PPARGC1A: variants seen among roughly 807,000 people sequenced by gnomAD.
PPARGC1A encodes peroxisome proliferator-activated receptor gamma coactivator 1-alpha.
In PPARGC1A, 25 loss-of-function variants were observed where a neutral mutation model predicts 88.7. That is an observed-to-expected ratio of 0.28 (90% confidence interval 0.21 to 0.39). The LOEUF is 0.39. Ranked by LOEUF, PPARGC1A falls within the 10% of genes least tolerant of loss-of-function variation. PPARGC1A has a pLI of 1.00. For synonymous variants in PPARGC1A, 363 were observed against 355.6 expected, an observed-to-expected ratio of 1.02 and a Z score of -0.24; for missense variants, 880 against 968.7, an observed-to-expected ratio of 0.91 and a Z score of 1.22.
At chr4:23,977,737 C>A in the PPARGC1A span, among the ~76,000 whole-genome samples, 4 of 152,170 alleles carry the variant, frequency 2.6e-5, no homozygotes, top group African/African-American at 4.8e-5. Flanking sequence ...AAGAGAAATA[C>A]AAATATGACA....
At chr4:23,988,876 T>A in the PPARGC1A span, among the ~76,000 whole-genome samples, 1 of 147,376 alleles carries the variant, frequency 6.8e-6, no homozygotes, top group African/African-American at 2.5e-5. Context: ...TTTATACATA[T>A]AATAGTATAA....
At chr4:24,101,556 C>T in the PPARGC1A span, among the ~76,000 whole-genome samples, 115 of 152,216 alleles carry the variant, frequency 7.6e-4, no homozygotes, top group East Asian at 0.02. Flanking sequence ...ACACATTGTA[C>T]GCATGTAACA....
the PPARGC1A span, among the ~76,000 whole-genome samples, chr4:23,928,687 G>A: frequency 2.0e-5 from 3 of 148,714 alleles, no homozygotes; most frequent in South Asian, 4.3e-4. Context: ...TAGCAAACAC[G>A]TGGCATGAAC....
chr4:24,040,345 C>T, the PPARGC1A span, among the ~76,000 whole-genome samples: 6 of 152,332 alleles, frequency 3.9e-5, no homozygotes, highest in South Asian at 8.3e-4. Flanking sequence ...CATTCTGTCT[C>T]TTGACAAAGG....
the PPARGC1A span, among the ~76,000 whole-genome samples, chr4:24,318,953 T>TCATTATCTCCC: frequency 2.0e-5 from 3 of 152,138 alleles, no homozygotes; most frequent in African/African-American, 4.8e-5. Context: ...ATTTCTGTAG[T>TCATTATCTCCC]TGGAGGATAA....
chr4:24,307,357 CT>C, the PPARGC1A span, among the ~76,000 whole-genome samples: 26 of 152,206 alleles, frequency 1.7e-4, no homozygotes, highest in Non-Finnish European at 2.6e-4. Context: ...AAAATCTACA[CT>C]GTAATATATA....
intron 1 of PPARGC1A, among the ~76,000 whole-genome samples, chr4:23,888,738 C>T (rs1245933228): frequency 6.6e-6 from 1 of 152,202 alleles, no homozygotes; most frequent in Non-Finnish European, 1.5e-5. Context: ...CATTCACAGA[C>T]GGCCTTGGCC....
the PPARGC1A span, among the ~76,000 whole-genome samples, chr4:24,455,739 C>T: frequency 2.0e-5 from 3 of 152,220 alleles, no homozygotes; most frequent in African/African-American, 7.2e-5. Flanking sequence ...AGCTCACCTC[C>T]TCTTGCCCTC....
intron 10 of PPARGC1A, among the ~76,000 whole-genome samples, chr4:23,812,436 C>T (rs1050071895): frequency 6.6e-6 from 1 of 152,026 alleles, no homozygotes; most frequent in Non-Finnish European, 1.5e-5. Context: ...ATCCTGTGAT[C>T]AGAAAGAACA....
chr4:23,870,420 T>G (rs1420176204), intron 2 of PPARGC1A, among the ~76,000 whole-genome samples: 1 of 152,222 alleles, frequency 6.6e-6, no homozygotes, highest in Non-Finnish European at 1.5e-5. Context: ...CCCCAGACTG[T>G]CATATTTTCA....
chr4:24,339,091 C>T, the PPARGC1A span, among the ~76,000 whole-genome samples: 1 of 151,818 alleles, frequency 6.6e-6, no homozygotes, highest in African/African-American at 2.4e-5. Flanking sequence ...TATTTTCTGT[C>T]CGCATGAATT....
chr4:24,038,632 C>G, the PPARGC1A span, among the ~76,000 whole-genome samples: 1 of 152,130 alleles, frequency 6.6e-6, no homozygotes, highest in African/African-American at 2.4e-5. Flanking sequence ...GATATTTTCT[C>G]CGGGATCCTC....
intron 2 of PPARGC1A, among the ~76,000 whole-genome samples, chr4:23,864,987 C>A (rs1286951350): frequency 6.6e-6 from 1 of 152,140 alleles, no homozygotes; most frequent in East Asian, 1.9e-4. Context: ...AGTTTGAGAC[C>A]AGCCTGGGCA....
chr4:24,154,466 A>G, the PPARGC1A span, among the ~76,000 whole-genome samples: 45 of 152,240 alleles, frequency 3.0e-4, no homozygotes, highest in South Asian at 1.0e-3. Flanking sequence ...TGTTGAGAAA[A>G]CATAGGAAAA....
chr4:24,190,655 T>C, the PPARGC1A span, among the ~76,000 whole-genome samples: 2 of 152,352 alleles, frequency 1.3e-5, no homozygotes, highest in East Asian at 3.9e-4. Context: ...AAGGGAAACT[T>C]AGCCTCGAAG....
the PPARGC1A span, among the ~76,000 whole-genome samples, chr4:24,394,744 C>T: frequency 6.6e-6 from 1 of 152,088 alleles, no homozygotes. Flanking sequence ...TGAGATGCAC[C>T]ATTATTTTAT....
chr4:24,147,125 C>T, the PPARGC1A span, among the ~76,000 whole-genome samples: 1 of 152,136 alleles, frequency 6.6e-6, no homozygotes, highest in African/African-American at 2.4e-5. Flanking sequence ...TTTTCATTGA[C>T]ACCAACTGTC....
chr4:24,438,858 A>T, the PPARGC1A span, among the ~76,000 whole-genome samples: 1 of 151,722 alleles, frequency 6.6e-6, no homozygotes. Context: ...AATATTTTTG[A>T]CCCTGTGTCT....
At chr4:23,900,994 G>A (rs1299825291), upstream of PPARGC1A, among the ~76,000 whole-genome samples, 3 of 152,210 alleles carry the variant, frequency 2.0e-5, no homozygotes, top group Non-Finnish European at 2.9e-5. Context: ...GGAGGCTGAC[G>A]TGGGTAGATC....
Sources: gnomAD v4.1 joint callset for allele counts (sites outside exome capture counted in the v4.1 genomes callset) on GRCh38, gnomAD v4.1.1 for gene constraint, MANE v1.5 for transcripts, NCBI Gene and HGNC (gene_info 2026-07-23, HGNC 2026-07-21) for gene names.